EXT2: variants seen among roughly 807,000 people sequenced by gnomAD.
EXT2 encodes the protein exostosin-2.
EXT2 carries 53 observed loss-of-function variants against 81.6 expected under a neutral mutation model. The observed-to-expected ratio is 0.65, with a 90% CI of 0.52 to 0.82. The LOEUF (loss-of-function observed/expected upper bound fraction) is 0.82. Among genes scored for constraint, EXT2 ranks in the 40% least tolerant of loss-of-function variants. The pLI is 0.00. For synonymous variants in EXT2, 320 were observed against 340.0 expected (o/e 0.94, Z 0.65); for missense variants, 774 against 910.2 (o/e 0.85, Z 1.93).
At chr11:44,147,514 T>G (rs1428146704) in intron 7 of EXT2, among the ~76,000 whole-genome samples, 1 of 152,202 alleles carries the variant, frequency 6.6e-6, no homozygotes, top group African/African-American at 2.4e-5. Context: ...CCATATTATA[T>G]GCATTAATTA....
At position 44,251,165 on chromosome 11, in the gene EXT2, A is replaced by G. The variant is rs1429949393; in HGVS notation, c.*6878A>G. The stretch of plus-strand genomic sequence containing the variant: ...GGTTCCATTAACTCCATCTTGTCTA[A>G]TGCATGGAGAATTCAAGGATTTTTT... On this transcript the variant is annotated 3_prime_UTR_variant, in exon 14 of 14. Coordinates refer to ENST00000533608, the MANE Select transcript of EXT2 (RefSeq NM_207122.2). Among the ~76,000 whole-genome samples the G allele has an allele frequency of 1.4e-5, 2 of 143,988 alleles. No homozygotes were observed. Among genetic ancestry groups the G allele is most frequent in the Non-Finnish European group, 1.5e-5 (1 of 66,336 alleles). 94.5% of individuals were successfully genotyped at this position (143,988 alleles called of 152,430 possible).
chr11:44,153,437 A>G (rs937955688), intron 7 of EXT2, among the ~76,000 whole-genome samples: 2 of 152,144 alleles, frequency 1.3e-5, no homozygotes, highest in Admixed American at 6.5e-5. Flanking sequence ...GATTCTCTAT[A>G]TAAACAATCA....
chr11:44,100,368 G>T (rs991655401), intron 1 of EXT2, among the ~76,000 whole-genome samples: 2 of 152,214 alleles, frequency 1.3e-5, no homozygotes, highest in Non-Finnish European at 2.9e-5. Flanking sequence ...CTCTTTGCTA[G>T]TATTAATTGA....
At chr11:44,100,653 G>A (rs761444746) in intron 1 of EXT2, among the ~76,000 whole-genome samples, 4 of 152,132 alleles carry the variant, frequency 2.6e-5, no homozygotes, top group East Asian at 1.9e-4. Flanking sequence ...CTCTATGGCC[G>A]CATCTCCTGC....
intron 8 of EXT2, among the ~76,000 whole-genome samples, chr11:44,184,282 A>C (rs894286895): frequency 6.6e-6 from 1 of 152,218 alleles, no homozygotes; most frequent in African/African-American, 2.4e-5. Flanking sequence ...TTTTTCATGT[A>C]TCATGATATT....
chr11:44,100,153 G>T (rs963353039), intron 1 of EXT2, among the ~76,000 whole-genome samples: 1 of 152,202 alleles, frequency 6.6e-6, no homozygotes, highest in Admixed American at 6.5e-5. Context: ...AGCAGCTCAA[G>T]TGTGCACCCT....
intron 4 of EXT2, among the ~76,000 whole-genome samples, chr11:44,115,324 G>A (rs1053810443): frequency 1.3e-5 from 2 of 152,166 alleles, no homozygotes; most frequent in Non-Finnish European, 2.9e-5. Context: ...CAAGTAACAG[G>A]AACTGTAGGC....
intron 10 of EXT2, among the ~76,000 whole-genome samples, chr11:44,217,490 C>G (rs942667141): frequency 1.3e-5 from 2 of 152,322 alleles, no homozygotes; most frequent in East Asian, 3.9e-4. Context: ...ATGATCTTCT[C>G]TGGCCCTGTG....
rs1955072332 is a variant in EXT2, at chr11:44,171,486, C to T, written c.1174-125C>T. On this transcript the variant is annotated intron_variant, in intron 7 of 13. Transcript: ENST00000533608. ...AACAGCAGGGAGCATATGCCCTAGG[C>T]ACCCCCATCCCTACAACTTTGGGAA... is the stretch of plus-strand genomic sequence containing the variant. 2.8e-6 allele frequency: 4 copies of T among 1,421,982 alleles called. No individual in the cohort carries two copies. The African/African-American group carries it at 4.2e-5, about 15-fold the overall frequency. 88.1% of individuals were successfully genotyped at this position (1,421,982 alleles called of 1,614,324 possible).
At chr11:44,243,777 G>A (rs922033024) in intron 13 of EXT2, among the ~76,000 whole-genome samples, 6 of 151,844 alleles carry the variant, frequency 4.0e-5, no homozygotes, top group African/African-American at 1.5e-4. Context: ...GTTAAGAATT[G>A]TTGGCAGCTA....
intron 7 of EXT2, among the ~76,000 whole-genome samples, chr11:44,136,453 G>A (rs1954568917): frequency 6.6e-6 from 1 of 152,204 alleles, no homozygotes; most frequent in South Asian, 2.1e-4. Flanking sequence ...TGTGTGGCCT[G>A]GATTGAGGGT....
intron 9 of EXT2, among the ~76,000 whole-genome samples, chr11:44,200,545 T>C (rs1308173609): frequency 2.0e-5 from 3 of 152,312 alleles, no homozygotes; most frequent in African/African-American, 7.2e-5. Flanking sequence ...AGCTTCAGAC[T>C]GTGGTTTGCA....
intron 7 of EXT2, among the ~76,000 whole-genome samples, chr11:44,137,514 C>G (rs1283447887): frequency 6.6e-6 from 1 of 151,518 alleles, no homozygotes; most frequent in Non-Finnish European, 1.5e-5. Context: ...CTCACCAAAG[C>G]ATTCTTTAAA....
At position 44,206,796 on chromosome 11, in the gene EXT2, C is replaced by A; in HGVS notation, c.1499C>A (p.Ser500Tyr). Residue 500 changes from serine to tyrosine, a missense_variant, in exon 10 of 14, where the codon TCT becomes TAT. Ser to Tyr is a moderately radical substitution (Grantham distance 144). Around this residue, in one of 2 missense-constraint regions of EXT2, gnomAD observed 626 missense variants for 670.5 expected, o/e 0.93. Coordinates refer to ENST00000533608, the MANE Select transcript of EXT2 (RefSeq NM_207122.2). ...NNQNKNPPED[S>Y]LWPKIRVPLK... is the part of the protein sequence containing the mutation. ...AATACCTTTTCTCTTTTTCCAGATT[C>A]TCTCTGGCCCAAAATCCGGGTTCCA... 6.2e-7 allele frequency: 1 copy of A among 1,613,980 alleles called. No individual in the cohort carries two copies. Among genetic ancestry groups the A allele is most frequent in the Non-Finnish European group, 8.5e-7 (1 of 1,179,952 alleles).
At chr11:44,125,402 G>A (rs908273010) in intron 5 of EXT2, among the ~76,000 whole-genome samples, 1 of 152,284 alleles carries the variant, frequency 6.6e-6, no homozygotes. Context: ...CTTTCCCTGG[G>A]AGTGGAGGGG....
intron 8 of EXT2, among the ~76,000 whole-genome samples, chr11:44,185,380 A>G (rs908638364): frequency 6.6e-6 from 1 of 152,076 alleles, no homozygotes; most frequent in African/African-American, 2.4e-5. Context: ...TTTTTGTTCT[A>G]TTTTATACTA....
chr11:44,198,885 C>A lies in EXT2; in HGVS notation c.1495+867C>A, dbSNP rs117936467. Among the ~76,000 whole-genome samples, 718 of 152,218 alleles carry A rather than the reference C, an allele frequency of 4.7e-3. 5 individuals carry two copies. Among genetic ancestry groups the A allele is most frequent in the East Asian group, 0.03 (158 of 5,182 alleles). On this transcript the variant is annotated intron_variant, in intron 9 of 13. Coordinates refer to ENST00000533608, the MANE Select transcript of EXT2 (RefSeq NM_207122.2). ...CGGGAAAGTCAACCTTGAAAATTGC[C>A]AGTAGTAGATCTATAGTCTAGGCTG...
At chr11:44,211,926 G>A (rs1471571086) in intron 10 of EXT2, among the ~76,000 whole-genome samples, 1 of 152,100 alleles carries the variant, frequency 6.6e-6, no homozygotes, top group Non-Finnish European at 1.5e-5. Context: ...AAAGCTGAAA[G>A]AGAATAGGAT....
intron 3 of EXT2, among the ~76,000 whole-genome samples, chr11:44,112,440 A>T (rs923616503): frequency 6.6e-6 from 1 of 152,128 alleles, no homozygotes; most frequent in Non-Finnish European, 1.5e-5. Context: ...TGATTTGGGG[A>T]TACATAATGG....
Sources: allele counts gnomAD v4.1 joint callset (sites outside exome capture counted in the v4.1 genomes callset), GRCh38; gene constraint gnomAD v4.1.1; regional missense constraint gnomAD v4.1.1; transcripts MANE v1.5; gene names NCBI Gene and HGNC (gene_info 2026-07-23, HGNC 2026-07-21).